The following BRCA2 variants were observed in gnomAD, a reference collection of about 807,000 sequenced individuals.
BRCA2 encodes BRCA2 DNA repair associated, also known as breast cancer type 2 susceptibility protein.
In BRCA2, 203 loss-of-function variants were observed where a neutral mutation model predicts 276.7. The observed-to-expected ratio is 0.73, with a 90% CI of 0.65 to 0.82. The LOEUF (loss-of-function observed/expected upper bound fraction) is 0.82, where lower values mean the gene tolerates loss of function less well. Ranked by LOEUF, BRCA2 falls within the 40% of genes least tolerant of loss-of-function variation. The pLI is 0.00. For synonymous variants in BRCA2, 1,289 were observed against 1,338.4 expected, an observed-to-expected ratio of 0.96 and a Z score of 0.81; for missense variants, 3,920 against 3,915.0, an observed-to-expected ratio of 1.00 and a Z score of -0.03.
At chr13:32,353,590 C>A (rs1006989392) in intron 13 of BRCA2, among the ~76,000 whole-genome samples, 1 of 152,106 alleles carries the variant, frequency 6.6e-6, no homozygotes. Flanking sequence ...CTAGGCCAAT[C>A]GACATATTTG....
At chr13:32,343,263 A>T (rs977161492) in intron 11 of BRCA2, among the ~76,000 whole-genome samples, 1 of 152,104 alleles carries the variant, frequency 6.6e-6, no homozygotes, top group Admixed American at 6.6e-5. Context: ...AAATAATTGA[A>T]TCTGTTTGTT....
chr13:32,330,894 T>C lies in BRCA2; in HGVS notation c.682-25T>C, dbSNP rs373984939. 24 of 1,417,544 alleles carry C rather than the reference T, an allele frequency of 1.7e-5. No homozygotes were observed. The highest frequency in any genetic ancestry group is 2.4e-5 in the Non-Finnish European group (24 of 1,005,518). The allele number at this position is 1,417,544 out of a possible 1,614,324, so 87.8% of individuals were successfully genotyped here. A position where few individuals can be genotyped will look rare whatever the true frequency, so the allele number is the denominator to read the frequency against. ...TGTGCATTGAGAGTTTTTATACTAG[T>C]GATTTTAAACTATAATTTTTGCAGA... On this transcript the variant is annotated intron_variant, in intron 8 of 26. Transcript: ENST00000380152.
At chr13:32,350,333 AG>A (rs2072638936) in intron 13 of BRCA2, among the ~76,000 whole-genome samples, 1 of 152,240 alleles carries the variant, frequency 6.6e-6, no homozygotes, top group Non-Finnish European at 1.5e-5. Context: ...GAATGAAAAG[AG>A]GTTTATATAT....
chr13:32,326,171 TTTTA>T, intron 5 of BRCA2, 21 bp downstream of exon 5: 1 of 1,608,576 alleles, frequency 6.2e-7, no homozygotes, highest in Non-Finnish European at 8.5e-7. Flanking sequence ...AAACAATGCT[TTTTA>T]TTCTTAGAAT....
chr13:32,397,080 G>A, intron 26 of BRCA2, 36 bp downstream of exon 26: 2 of 1,597,550 alleles, frequency 1.3e-6, no homozygotes, highest in East Asian at 4.5e-5. Flanking sequence ...ATTATAAGAA[G>A]TATATATGGA....
chr13:32,366,257 A>C lies in BRCA2; in HGVS notation c.8331+2724A>C, dbSNP rs11571730. 0.01 allele frequency among the ~76,000 whole-genome samples: 1,529 copies of C among 152,308 alleles called. 27 individuals are homozygous for C. Among genetic ancestry groups the C allele is most frequent in the African/African-American group, 0.032 (1,322 of 41,556 alleles). On this transcript the variant is annotated intron_variant, in intron 18 of 26. Transcript: ENST00000380152. Reference sequence around the variant, plus strand: ...CAACAATAGCAACAACAACTATAAAATGAAACAAAATCTTAAGCTATTGTT... The same window carrying C: ...CAACAATAGCAACAACAACTATAAACTGAAACAAAATCTTAAGCTATTGTT...
intron 13 of BRCA2, among the ~76,000 whole-genome samples, chr13:32,349,324 A>G (rs11571691): frequency 6.7e-6 from 1 of 149,892 alleles, no homozygotes; most frequent in East Asian, 1.9e-4. Context: ...CACACACACA[A>G]AAAAAAAACA....
chr13:32,326,567 A>G lies in BRCA2; in HGVS notation c.585A>G (p.Ser195=), dbSNP rs1593887433. Reference sequence around the variant, plus strand: ...AGGTGGATCCTGATATGTCTTGGTCAAGTTCTTTAGCTACACCACCCACCC... The same window carrying G: ...AGGTGGATCCTGATATGTCTTGGTCGAGTTCTTTAGCTACACCACCCACCC... ...GAEVDPDMSW[S]SSLATPPTLS... Residue 195 remains serine, a synonymous_variant, in exon 7 of 27, where the codon TCA becomes TCG. Transcript: ENST00000380152. The G allele has an allele frequency of 1.2e-6, 2 of 1,613,992 alleles. No homozygotes were observed. Among genetic ancestry groups the G allele is most frequent in the Non-Finnish European group, 8.5e-7 (1 of 1,179,860 alleles).
intron 24 of BRCA2, among the ~76,000 whole-genome samples, chr13:32,392,153 A>G (rs1314185629): frequency 1.3e-5 from 2 of 152,258 alleles, no homozygotes; most frequent in Admixed American, 6.5e-5. Context: ...AAATGAAAAG[A>G]AAGAAAAGAT....
At chr13:32,359,288 C>A (rs1299435282) in intron 16 of BRCA2, among the ~76,000 whole-genome samples, 1 of 148,666 alleles carries the variant, frequency 6.7e-6, no homozygotes, top group Non-Finnish European at 1.5e-5. Context: ...CCTCCCCCGA[C>A]ACACACTTAC....
rs80359669 is a variant in BRCA2 at position 32,357,776 on chromosome 13, AAATT to A, written c.7655_7658del (p.Ile2552ThrfsTer95). The A allele has an allele frequency of 6.2e-7, 1 of 1,613,820 alleles. No homozygotes were observed. Among genetic ancestry groups the A allele is most frequent in the Non-Finnish European group, 8.5e-7 (1 of 1,179,806 alleles). ...TATGGCGTTTCTAAACATTGCATAA[AAATT>A]AACAGCAAAAATGCAGAGTCTTTTC... On this transcript the variant is annotated frameshift_variant, in exon 16 of 27. Coordinates refer to ENST00000380152, the MANE Select transcript of BRCA2 (RefSeq NM_000059.4). LOFTEE classifies it high-confidence loss of function.
intron 2 of BRCA2, 137 bp downstream of exon 2, chr13:32,316,664 C>A: frequency 1.3e-6 from 1 of 767,004 alleles, no homozygotes; most frequent in Non-Finnish European, 2.2e-6. Flanking sequence ...ATCCAGTTAA[C>A]AACATAATCA....
intron 9 of BRCA2, among the ~76,000 whole-genome samples, chr13:32,331,798 A>G (rs2137463799): frequency 6.6e-6 from 1 of 151,936 alleles, no homozygotes; most frequent in African/African-American, 2.4e-5. Context: ...CATTTTTCTT[A>G]GTATGTGTGT....
At chr13:32,390,000 T>A (rs1174549254) in intron 24 of BRCA2, among the ~76,000 whole-genome samples, 17 of 152,236 alleles carry the variant, frequency 1.1e-4, no homozygotes, top group Non-Finnish European at 2.5e-4. Context: ...CATAATCTTC[T>A]GTTTCTTAAT....
intron 16 of BRCA2, among the ~76,000 whole-genome samples, chr13:32,359,094 C>T (rs999416157): frequency 8.6e-5 from 13 of 151,172 alleles, no homozygotes; most frequent in Admixed American, 4.0e-4. Context: ...TGGTGGCACG[C>T]GCCTGCAATC....
intron 16 of BRCA2, 37 bp from the exon 17 acceptor site, chr13:32,362,486 T>A: frequency 6.4e-7 from 1 of 1,572,550 alleles, no homozygotes; most frequent in Non-Finnish European, 8.8e-7. Flanking sequence ...TCATCCTATG[T>A]GGTTTTTATG....
At chr13:32,389,285 G>A (rs555371990) in intron 24 of BRCA2, among the ~76,000 whole-genome samples, 1 of 152,070 alleles carries the variant, frequency 6.6e-6, no homozygotes, top group South Asian at 2.1e-4. Flanking sequence ...TATTATTTTT[G>A]TTTTAGTCAT....
At position 32,394,703 on chromosome 13, in the gene BRCA2, G is replaced by A. The variant is rs80359194; in HGVS notation, c.9271G>A (p.Val3091Ile). Residue 3091 changes from valine to isoleucine, a missense_variant, in exon 25 of 27, where the codon GTC becomes ATC. Around this residue, in one of 2 missense-constraint regions of BRCA2, gnomAD observed 657 missense variants for 758.2 expected, o/e 0.87. Coordinates refer to ENST00000380152, the MANE Select transcript of BRCA2 (RefSeq NM_000059.4). ...TTCCATTCTAGGACTTGCCCCTTTC[G>A]TCTATTTGTCAGACGAATGTTACAA... ...VVKKTGLAPF[V>I]YLSDECYNLL... is the part of the protein sequence containing the mutation. 1.1e-5 allele frequency: 18 copies of A among 1,612,602 alleles called. No homozygotes were observed. The highest frequency in any genetic ancestry group is 2.7e-5 in the African/African-American group (2 of 74,666).
chr13:32,324,175 A>T (rs181187469), intron 3 of BRCA2, among the ~76,000 whole-genome samples: 7 of 152,320 alleles, frequency 4.6e-5, no homozygotes, highest in Middle Eastern at 3.4e-3. Flanking sequence ...AGAACAGTGT[A>T]TGATCAAACT....
Sources: allele counts gnomAD v4.1 joint callset (sites outside exome capture counted in the v4.1 genomes callset), GRCh38; gene constraint gnomAD v4.1.1; regional missense constraint gnomAD v4.1.1; transcripts MANE v1.5; gene names NCBI Gene and HGNC (gene_info 2026-07-23, HGNC 2026-07-21).